Variants in ZNF782 observed in about 807,000 individuals in gnomAD.
ZNF782 encodes the protein zinc finger protein 782.
ZNF782 carries 12 observed loss-of-function variants against 13.0 expected under a neutral mutation model. The observed-to-expected ratio is 0.92, with a 90% CI of 0.59 to 1.50. ZNF782 has a LOEUF of 1.50. ZNF782 is among the 40% of genes most tolerant of loss of function. The pLI, the probability that ZNF782 is intolerant of heterozygous loss-of-function variation, is 0.00. For missense variants in ZNF782, 770 were observed against 822.9 expected, an observed-to-expected ratio of 0.94 and a Z score of 0.79; for synonymous variants, 284 against 283.0, an observed-to-expected ratio of 1.00 and a Z score of -0.04.
At chr9:96,830,160 A>T (rs756995935) in intron 4 of ZNF782, among the ~76,000 whole-genome samples, 4 of 151,542 alleles carry the variant, frequency 2.6e-5, no homozygotes, top group Non-Finnish European at 5.9e-5. Context: ...CAAGATTGAA[A>T]ACTTTTAGAC....
chr9:96,900,114 C>A, the ZNF782 span, among the ~76,000 whole-genome samples: 4 of 151,796 alleles, frequency 2.6e-5, no homozygotes, highest in African/African-American at 9.7e-5. Flanking sequence ...TAGTTCAGAC[C>A]AGATCAGATT....
chr9:96,933,497 A>G, the ZNF782 span: 1 of 151,100 alleles, frequency 6.6e-6, no homozygotes, highest in Admixed American at 6.6e-5. Flanking sequence ...CAGCCTCCCA[A>G]GTACCTGGGA....
At chr9:96,821,800 G>A (rs886762922) in intron 5 of ZNF782, among the ~76,000 whole-genome samples, 5 of 151,860 alleles carry the variant, frequency 3.3e-5, no homozygotes, top group Non-Finnish European at 5.9e-5. Context: ...GAGTAGCTGG[G>A]ACTACAGGTG....
At chr9:96,838,096 C>A (rs1851058452) in intron 4 of ZNF782, among the ~76,000 whole-genome samples, 1 of 152,094 alleles carries the variant, frequency 6.6e-6, no homozygotes, top group African/African-American at 2.4e-5. Context: ...TCACAAATTT[C>A]TTGTACTTTC....
the ZNF782 span, among the ~76,000 whole-genome samples, chr9:96,881,956 G>A: frequency 1.1e-3 from 166 of 151,332 alleles, no homozygotes; most frequent in African/African-American, 3.6e-3. Flanking sequence ...CAAGAGCTTG[G>A]ATTGTATAAA....
chr9:96,863,883 G>A (rs1851731387), intron 1 of ZNF782, among the ~76,000 whole-genome samples: 1 of 152,018 alleles, frequency 6.6e-6, no homozygotes, highest in African/African-American at 2.4e-5. Flanking sequence ...GGGGGTTGAA[G>A]GATAAAAGAT....
At chr9:96,891,452 G>A in the ZNF782 span, 4 of 151,986 alleles carry the variant, frequency 2.6e-5, no homozygotes, top group Admixed American at 6.6e-5. Flanking sequence ...TTTGAATTTT[G>A]ACAGATGTAT....
In ZNF782 at chr9:96,854,132, A is replaced by C. The variant is rs1588171966; in HGVS notation, c.-306T>G. 6.6e-6 allele frequency: 1 copy of C among 152,082 alleles called. No individual in the cohort carries two copies. Among genetic ancestry groups the C allele is most frequent in the South Asian group, 2.1e-4 (1 of 4,812 alleles). The allele number at this position is 152,082 out of a possible 1,614,324, so 9.4% of individuals were successfully genotyped here. ...GAGCTCGGGGTCTCGATGCAGACCCACCGTCCGGGGATTTCGGGCACGTTG... is the reference window on the plus strand; with the variant it reads ...GAGCTCGGGGTCTCGATGCAGACCCCCCGTCCGGGGATTTCGGGCACGTTG... On this transcript the variant is annotated 5_prime_UTR_variant, in exon 1 of 6. Transcript: ENST00000481138.
chr9:96,932,504 G>A, the ZNF782 span: 3 of 1,197,060 alleles, frequency 2.5e-6, no homozygotes, highest in Non-Finnish European at 3.6e-6. Context: ...ACTGTTCAGG[G>A]GAGCTTGCAG....
At chr9:96,871,547 AG>A (rs1020714369) in intron 1 of ZNF782, among the ~76,000 whole-genome samples, 2 of 152,192 alleles carry the variant, frequency 1.3e-5, no homozygotes, top group Admixed American at 1.3e-4. Context: ...AAAAAATTAA[AG>A]GTTAATATTC....
In ZNF782 at chr9:96,854,419, C is replaced by A. The variant is rs1370487357; in HGVS notation, c.-593G>T. 1 of 152,360 alleles carries A rather than the reference C, an allele frequency of 6.6e-6. No homozygotes were observed. Among genetic ancestry groups the A allele is most frequent in the African/African-American group, 2.4e-5 (1 of 41,478 alleles). The allele number at this position is 152,360 out of a possible 1,614,324, so 9.4% of individuals were successfully genotyped here. A position where few individuals can be genotyped will look rare whatever the true frequency, so the allele number is the denominator to read the frequency against. On this transcript the variant is annotated 5_prime_UTR_variant, in exon 1 of 6. Coordinates refer to ENST00000481138, the MANE Select transcript of ZNF782 (RefSeq NM_001001662.3). ...TCCGGGCACAAACGCTGTCCTCCCG[C>A]CCCAGCTGCGCCCCCTCTACTTTCC... is the stretch of plus-strand genomic sequence containing the variant.
chr9:96,900,494 C>G, the ZNF782 span, among the ~76,000 whole-genome samples: 5 of 152,202 alleles, frequency 3.3e-5, no homozygotes, highest in South Asian at 1.0e-3. Flanking sequence ...AATCCCAGCA[C>G]CTTGGAAGGC....
chr9:96,882,744 G>A, the ZNF782 span, among the ~76,000 whole-genome samples: 1 of 152,042 alleles, frequency 6.6e-6, no homozygotes, highest in African/African-American at 2.4e-5. Context: ...TTTTAGTTAC[G>A]TCTTATTGTA....
upstream of ZNF782, among the ~76,000 whole-genome samples, chr9:96,859,028 C>T (rs1168846002): frequency 6.6e-6 from 1 of 151,978 alleles, no homozygotes; most frequent in Non-Finnish European, 1.5e-5. Flanking sequence ...TACACTAGTG[C>T]CCACCCACGG....
In ZNF782 at chr9:96,817,768, T is replaced by C; in HGVS notation, c.*155A>G. On this transcript the variant is annotated 3_prime_UTR_variant, in exon 6 of 6. Coordinates refer to ENST00000481138, the MANE Select transcript of ZNF782 (RefSeq NM_001001662.3). ...GCCCATATAAAATAGATTTCAACAA[T>C]TTATCTTCTATTCTTTGATATTTGG... The C allele has an allele frequency of 1.6e-6, 1 of 641,154 alleles. No individual in the cohort carries two copies. Among genetic ancestry groups the C allele is most frequent in the East Asian group, 3.0e-5 (1 of 33,460 alleles). The allele number at this position is 641,154 out of a possible 1,614,324, so 39.7% of individuals were successfully genotyped here.
chr9:96,851,925 G>A, intron 3 of ZNF782, 22 bp downstream of exon 3: 4 of 1,611,610 alleles, frequency 2.5e-6, no homozygotes, highest in Non-Finnish European at 3.4e-6. Flanking sequence ...AATACAAAGT[G>A]GGGAATGAAT....
upstream of ZNF782, among the ~76,000 whole-genome samples, chr9:96,876,200 T>C (rs1851891234): frequency 6.6e-6 from 1 of 152,206 alleles, no homozygotes; most frequent in South Asian, 2.1e-4. Context: ...CTGGCAATTA[T>C]AAATATTAAA....
At chr9:96,922,945 A>C in the ZNF782 span, among the ~76,000 whole-genome samples, 1 of 148,166 alleles carries the variant, frequency 6.7e-6, no homozygotes. Context: ...ACTGCTTTGT[A>C]AACGAGGGGA....
chr9:96,859,929 C>T (rs1291617961), intron 3 of ZNF782, among the ~76,000 whole-genome samples: 2 of 152,176 alleles, frequency 1.3e-5, no homozygotes, highest in Non-Finnish European at 2.9e-5. Context: ...CAGCATTCAC[C>T]ACAAGCTGAC....
Sources: allele counts gnomAD v4.1 joint callset (sites outside exome capture counted in the v4.1 genomes callset), GRCh38; gene constraint gnomAD v4.1.1; transcripts MANE v1.5; gene names NCBI Gene and HGNC (gene_info 2026-07-23, HGNC 2026-07-21).